Variants in PCSK5 observed in about 807,000 individuals in gnomAD.
PCSK5 encodes proprotein convertase subtilisin/kexin type 5.
Under a neutral mutation model 233.2 loss-of-function variants are expected in PCSK5, and 129 were observed. That is an observed-to-expected ratio of 0.55 (90% confidence interval 0.48 to 0.64). The LOEUF (loss-of-function observed/expected upper bound fraction) is 0.64. Among genes scored for constraint, PCSK5 ranks in the 30% least tolerant of loss-of-function variants. The pLI, the probability that PCSK5 is intolerant of heterozygous loss-of-function variation, is 0.00. For synonymous variants in PCSK5, 825 were observed against 879.2 expected (o/e 0.94, Z 1.09); for missense variants, 2,076 against 2,430.1 (o/e 0.85, Z 3.06).
At chr9:75,910,688 A>C (rs1248319199) in intron 1 of PCSK5, among the ~76,000 whole-genome samples, 1 of 152,084 alleles carries the variant, frequency 6.6e-6, no homozygotes, top group Non-Finnish European at 1.5e-5. Flanking sequence ...ACTTCAAAAA[A>C]TTGTTTAATA....
At chr9:76,253,483 T>TA (rs538952044) in intron 24 of PCSK5, among the ~76,000 whole-genome samples, 83 of 152,284 alleles carry the variant, frequency 5.5e-4, no homozygotes, top group South Asian at 1.0e-3. Flanking sequence ...ATAAAACCTT[T>TA]AAAAAAGAGA....
intron 7 of PCSK5, among the ~76,000 whole-genome samples, chr9:76,088,491 G>C (rs1831152771): frequency 6.6e-6 from 1 of 152,200 alleles, no homozygotes; most frequent in Admixed American, 6.6e-5. Context: ...TCGAAGTGTA[G>C]AAGCAGAACA....
Position 75,954,156 on chromosome 9 carries a change from G to A in PCSK5, c.297+21673G>A, listed in dbSNP as rs1159279986. Among the ~76,000 whole-genome samples the A allele has an allele frequency of 2.0e-5, 3 of 152,172 alleles. No homozygotes were observed. In the East Asian group the frequency reaches 5.8e-4, roughly 29 times the overall value. On this transcript the variant is annotated intron_variant, in intron 2 of 37. Coordinates refer to ENST00000674117, the MANE Select transcript of PCSK5 (RefSeq NM_001372043.1). ...ACCAAGTGATTTTGTAAACATGCTG[G>A]ACATTTCGTTTGTAGAAACAGGCCT...
chr9:76,261,203 C>T lies in PCSK5; in HGVS notation c.3142+20519C>T, dbSNP rs532667692. Among the ~76,000 whole-genome samples the T allele has an allele frequency of 2.0e-5, 3 of 152,238 alleles. No homozygotes were observed. The South Asian group carries it at 6.2e-4, about 32-fold the overall frequency. Reference sequence around the variant, plus strand: ...GATGTCTTAAGAAAGGCACATGACCCATGTAGTAGTTTGGCTGCAGATGCT... The same window carrying T: ...GATGTCTTAAGAAAGGCACATGACCTATGTAGTAGTTTGGCTGCAGATGCT... On this transcript the variant is annotated intron_variant, in intron 24 of 37. Coordinates refer to ENST00000674117, the MANE Select transcript of PCSK5 (RefSeq NM_001372043.1).
chr9:76,117,956 C>T (rs1832492247), intron 9 of PCSK5, among the ~76,000 whole-genome samples: 1 of 152,026 alleles, frequency 6.6e-6, no homozygotes, highest in South Asian at 2.1e-4. Context: ...AATGTCGTAG[C>T]GAGCTTCCTG....
intron 3 of PCSK5, among the ~76,000 whole-genome samples, chr9:76,015,980 C>T (rs891174175): frequency 3.9e-5 from 6 of 152,216 alleles, no homozygotes; most frequent in Non-Finnish European, 8.8e-5. Context: ...GATTATTTGA[C>T]ACTTTTACCA....
chr9:76,082,998 C>T (rs1249526976), intron 7 of PCSK5, among the ~76,000 whole-genome samples: 1 of 151,862 alleles, frequency 6.6e-6, no homozygotes, highest in Admixed American at 6.6e-5. Context: ...CACTTGCAGT[C>T]AAGAGTTCGA....
intron 1 of PCSK5, among the ~76,000 whole-genome samples, chr9:75,899,159 G>A (rs1022748353): frequency 2.6e-5 from 4 of 152,216 alleles, no homozygotes; most frequent in Admixed American, 2.0e-4. Context: ...GAAGATAGCT[G>A]TAAAGTTTTA....
intron 10 of PCSK5, among the ~76,000 whole-genome samples, chr9:76,153,295 C>A (rs1461615856): frequency 6.6e-6 from 1 of 152,170 alleles, no homozygotes; most frequent in African/African-American, 2.4e-5. Flanking sequence ...GTATACATAA[C>A]TTGTTCCCTC....
At chr9:75,977,688 G>A (rs1826085922) in intron 2 of PCSK5, among the ~76,000 whole-genome samples, 1 of 150,874 alleles carries the variant, frequency 6.6e-6, no homozygotes, top group Non-Finnish European at 1.5e-5. Context: ...TCAGCTCACT[G>A]CAACCTCCAC....
chr9:76,229,272 C>A (rs1825999276), intron 21 of PCSK5, among the ~76,000 whole-genome samples: 1 of 152,200 alleles, frequency 6.6e-6, no homozygotes, highest in Non-Finnish European at 1.5e-5. Flanking sequence ...AATGCCAATG[C>A]ATGTTTGGAC....
intron 3 of PCSK5, among the ~76,000 whole-genome samples, chr9:75,987,731 G>C (rs1453181079): frequency 1.3e-5 from 2 of 152,184 alleles, no homozygotes; most frequent in African/African-American, 4.8e-5. Flanking sequence ...CGCAAAGAGT[G>C]AACCCCAAGG....
At chr9:76,302,105 A>AG (rs1452434226) in intron 27 of PCSK5, 32 bp from the exon 28 acceptor site, 2 of 1,134,954 alleles carry the variant, frequency 1.8e-6, no homozygotes, top group Non-Finnish European at 2.3e-6. Context: ...GCATTAAAAA[A>AG]AAACTAAACA....
intron 30 of PCSK5, among the ~76,000 whole-genome samples, chr9:76,314,507 A>G (rs1828962072): frequency 6.6e-6 from 1 of 152,196 alleles, no homozygotes; most frequent in African/African-American, 2.4e-5. Flanking sequence ...GATCCATCCT[A>G]GAACAGCAAT....
At chr9:76,112,974 T>C (rs1832284054) in intron 9 of PCSK5, among the ~76,000 whole-genome samples, 1 of 152,198 alleles carries the variant, frequency 6.6e-6, no homozygotes, top group Non-Finnish European at 1.5e-5. Context: ...TCTCAACAAA[T>C]ATTAAATTAA....
intron 33 of PCSK5, among the ~76,000 whole-genome samples, chr9:76,331,602 G>A (rs1408427448): frequency 2.6e-5 from 4 of 151,348 alleles, no homozygotes; most frequent in African/African-American, 9.7e-5. Flanking sequence ...GGAAGGTGGA[G>A]CTTGCAGTGA....
intron 1 of PCSK5, 39 bp from the exon 2 acceptor site, chr9:75,932,340 T>C (rs773325862): frequency 1.6e-6 from 2 of 1,227,588 alleles, no homozygotes; most frequent in East Asian, 4.7e-5. Flanking sequence ...CACATTAATG[T>C]CTTTTTTTTG....
chr9:76,207,488 T>C (rs1495255), intron 20 of PCSK5, among the ~76,000 whole-genome samples: 56,084 of 152,102 alleles, frequency 0.37, 10,527 homozygotes, highest in South Asian at 0.42. Context: ...TCGTTAACTA[T>C]TTACTCATCT....
chr9:75,936,600 A>T (rs1824066511), intron 2 of PCSK5, among the ~76,000 whole-genome samples: 1 of 152,210 alleles, frequency 6.6e-6, no homozygotes, highest in Admixed American at 6.5e-5. Flanking sequence ...ATTCAGTCAC[A>T]TCTTCAGGCT....
Sources: allele counts gnomAD v4.1 joint callset (sites outside exome capture counted in the v4.1 genomes callset), GRCh38; gene constraint gnomAD v4.1.1; transcripts MANE v1.5; gene names NCBI Gene and HGNC (gene_info 2026-07-23, HGNC 2026-07-21).